The following DSCAML1 variants were observed in gnomAD, a reference collection of about 807,000 sequenced individuals.
The protein encoded by DSCAML1 is cell adhesion molecule DSCAML1.
DSCAML1 carries 38 observed loss-of-function variants against 200.5 expected under a neutral mutation model. The ratio of observed to expected loss-of-function variants is 0.19; its 90% CI spans 0.15 to 0.25. The LOEUF (loss-of-function observed/expected upper bound fraction) is 0.25, where lower values mean the gene tolerates loss of function less well. DSCAML1 is among the 10% of genes least tolerant of loss of function. DSCAML1 has a pLI of 1.00. For missense variants in DSCAML1, 2,223 were observed against 2,858.8 expected, an observed-to-expected ratio of 0.78 and a Z score of 5.07; for synonymous variants, 1,215 against 1,165.0, an observed-to-expected ratio of 1.04 and a Z score of -0.87.
chr11:117,551,800 G>A (rs79944260), intron 3 of DSCAML1, among the ~76,000 whole-genome samples: 4,427 of 151,130 alleles, frequency 0.029, 200 homozygotes, highest in African/African-American at 0.1. Context: ...GCTGTGGGGG[G>A]CATCTCAGCA....
intron 3 of DSCAML1, among the ~76,000 whole-genome samples, chr11:117,637,310 T>A (rs1449086609): frequency 1.3e-5 from 2 of 151,994 alleles, no homozygotes; most frequent in Non-Finnish European, 2.9e-5. Context: ...CATGGTGGTA[T>A]CCCAGTGTTA....
In DSCAML1 at chr11:117,627,548, A is replaced by G. The variant is rs953803880; in HGVS notation, c.512-95026T>C. ...TGAGCCGCTGCACCCACCATTCCCTACGGCCCAGTGCCTGGGCCCCTGCTC... is the reference window on the plus strand; with the variant it reads ...TGAGCCGCTGCACCCACCATTCCCTGCGGCCCAGTGCCTGGGCCCCTGCTC... On this transcript the variant is annotated intron_variant, in intron 3 of 32. Transcript: ENST00000651296. Among the ~76,000 whole-genome samples, 32 of 151,828 alleles carry G rather than the reference A, an allele frequency of 2.1e-4. 1 individual carries two copies. Among genetic ancestry groups the G allele is most frequent in the African/African-American group, 7.3e-4 (30 of 41,328 alleles).
intron 3 of DSCAML1, among the ~76,000 whole-genome samples, chr11:117,601,133 C>T (rs1037173637): frequency 6.6e-6 from 1 of 152,162 alleles, no homozygotes; most frequent in Non-Finnish European, 1.5e-5. Flanking sequence ...TTCCCAGCCC[C>T]CACCCGCACC....
intron 3 of DSCAML1, among the ~76,000 whole-genome samples, chr11:117,568,058 G>T (rs1366885903): frequency 1.3e-5 from 2 of 152,134 alleles, no homozygotes; most frequent in Non-Finnish European, 2.9e-5. Flanking sequence ...GGGATGCAAG[G>T]CTGGTTCAAT....
intron 1 of DSCAML1, among the ~76,000 whole-genome samples, chr11:117,808,064 C>T (rs1204114362): frequency 6.6e-6 from 1 of 152,218 alleles, no homozygotes; most frequent in African/African-American, 2.4e-5. Flanking sequence ...TCGTGATCCG[C>T]CCGCCTAGGC....
At chr11:117,712,301 TGG>T (rs2053863068) in intron 3 of DSCAML1, among the ~76,000 whole-genome samples, 2 of 152,100 alleles carry the variant, frequency 1.3e-5, no homozygotes, top group Non-Finnish European at 2.9e-5. Context: ...ATGGGTCTAA[TGG>T]GTGTGGACAG....
At chr11:117,688,515 C>T (rs2053444150) in intron 3 of DSCAML1, among the ~76,000 whole-genome samples, 1 of 152,220 alleles carries the variant, frequency 6.6e-6, no homozygotes, top group Admixed American at 6.5e-5. Context: ...GCCTCCTCCC[C>T]ACACAGACTT....
At chr11:117,499,210 T>C (rs2049350560) in intron 11 of DSCAML1, among the ~76,000 whole-genome samples, 1 of 152,144 alleles carries the variant, frequency 6.6e-6, no homozygotes, top group African/African-American at 2.4e-5. Context: ...CCTTCCTTTT[T>C]TTAAAAATAC....
In DSCAML1 at chr11:117,718,679, C is replaced by T. The variant is rs555461557; in HGVS notation, c.511+58112G>A. Among the ~76,000 whole-genome samples, 62 of 96,188 alleles carry T rather than the reference C, an allele frequency of 6.4e-4. 4 individuals are homozygous for T. The highest frequency in any genetic ancestry group is 2.0e-3 in the African/African-American group (55 of 27,134). The allele number at this position is 96,188 out of a possible 152,430, so 63.1% of individuals were successfully genotyped here. ...GATGAATACTCAAAACCCCCCCCCC[C>T]CCCCATCATATGAGACCTTTAAAAA... is the stretch of plus-strand genomic sequence containing the variant. On this transcript the variant is annotated intron_variant, in intron 3 of 32. Coordinates refer to ENST00000651296, the MANE Select transcript of DSCAML1 (RefSeq NM_020693.4).
intron 3 of DSCAML1, among the ~76,000 whole-genome samples, chr11:117,569,485 T>C (rs1038021940): frequency 2.6e-5 from 4 of 152,184 alleles, no homozygotes; most frequent in Admixed American, 6.5e-5. Context: ...TTTCGTCTTG[T>C]TGCCCAGGTC....
chr11:117,509,119 C>T (rs554907788), intron 8 of DSCAML1, among the ~76,000 whole-genome samples: 1 of 152,138 alleles, frequency 6.6e-6, no homozygotes, highest in South Asian at 2.1e-4. Context: ...CAAGATACTT[C>T]CCCAAAGATG....
chr11:117,678,708 G>A (rs1319445566), intron 3 of DSCAML1, among the ~76,000 whole-genome samples: 1 of 151,798 alleles, frequency 6.6e-6, no homozygotes, highest in African/African-American at 2.4e-5. Context: ...CCAAGGCCAG[G>A]GGCCAGCACA....
At chr11:117,430,683 G>A (rs376285001) in intron 32 of DSCAML1, 39 bp downstream of exon 32, 66 of 1,570,372 alleles carry the variant, frequency 4.2e-5, no homozygotes, top group African/African-American at 5.4e-5. Context: ...GGGCCAGGGG[G>A]CGGGGGGGCA....
At chr11:117,439,082 C>A in intron 23 of DSCAML1, 99 bp from the exon 24 acceptor site, 2 of 1,359,146 alleles carry the variant, frequency 1.5e-6, no homozygotes, top group South Asian at 2.8e-5. Flanking sequence ...TCTCCCACAC[C>A]CTCACTCCCA....
intron 1 of DSCAML1, among the ~76,000 whole-genome samples, chr11:117,813,927 C>T (rs959746656): frequency 2.0e-5 from 3 of 152,354 alleles, no homozygotes; most frequent in South Asian, 2.1e-4. Flanking sequence ...GCCAAGCCAT[C>T]GCATCCCCTG....
chr11:117,615,271 G>A (rs1399701533), intron 3 of DSCAML1, among the ~76,000 whole-genome samples: 1 of 152,166 alleles, frequency 6.6e-6, no homozygotes, highest in East Asian at 1.9e-4. Flanking sequence ...CTCTTTGTGT[G>A]CCCTCCTACC....
intron 11 of DSCAML1, among the ~76,000 whole-genome samples, chr11:117,491,765 C>A (rs537786949): frequency 6.6e-6 from 1 of 152,236 alleles, no homozygotes; most frequent in Non-Finnish European, 1.5e-5. Flanking sequence ...CAGAGTGAGA[C>A]TCTGTGTCAA....
intron 18 of DSCAML1, among the ~76,000 whole-genome samples, chr11:117,461,203 C>A (rs1346292505): frequency 6.6e-6 from 1 of 151,812 alleles, no homozygotes; most frequent in African/African-American, 2.4e-5. Context: ...CACCCCCCCA[C>A]CTTGCTCCTG....
intron 11 of DSCAML1, among the ~76,000 whole-genome samples, chr11:117,491,933 C>G (rs1392042538): frequency 6.6e-6 from 1 of 152,044 alleles, no homozygotes; most frequent in Non-Finnish European, 1.5e-5. Context: ...AGCCAGGGGA[C>G]CAAGGGGTTA....
Sources: gnomAD v4.1 joint callset for allele counts (sites outside exome capture counted in the v4.1 genomes callset) on GRCh38, gnomAD v4.1.1 for gene constraint, MANE v1.5 for transcripts, NCBI Gene and HGNC (gene_info 2026-07-23, HGNC 2026-07-21) for gene names.